AFG2A: variants seen among roughly 807,000 people sequenced by gnomAD.
AFG2A encodes ATPase family gene 2 protein homolog A.
the AFG2A span, among the ~76,000 whole-genome samples, chr4:123,294,337 G>T: frequency 6.6e-6 from 1 of 152,180 alleles, no homozygotes; most frequent in Non-Finnish European, 1.5e-5. Flanking sequence ...GAAGTAATGT[G>T]CTGGGCACAT....
At chr4:123,022,943 C>A in the AFG2A span, among the ~76,000 whole-genome samples, 179 of 151,236 alleles carry the variant, frequency 1.2e-3, no homozygotes, top group African/African-American at 4.0e-3. Context: ...GGACAAAAAA[C>A]CAAACACCGC....
chr4:123,247,600 G>GT, the AFG2A span, among the ~76,000 whole-genome samples: 1 of 151,902 alleles, frequency 6.6e-6, no homozygotes. Flanking sequence ...TTGTTTGTTT[G>GT]TTTGTTTTGT....
chr4:123,315,902 C>G, the AFG2A span: 1 of 152,258 alleles, frequency 6.6e-6, no homozygotes, highest in Non-Finnish European at 1.5e-5. Flanking sequence ...ACTCAGCCTC[C>G]TGAGTAGCTA....
the AFG2A span, among the ~76,000 whole-genome samples, chr4:123,266,116 A>T: frequency 1.1e-4 from 16 of 152,128 alleles, no homozygotes; most frequent in East Asian, 3.1e-3. Flanking sequence ...TGGAAGGCTG[A>T]TTTCTAATAA....
At chr4:123,129,717 G>A in the AFG2A span, among the ~76,000 whole-genome samples, 102,017 of 151,890 alleles carry the variant, frequency 0.67, 37,404 homozygotes, top group East Asian at 0.97. Flanking sequence ...GGCTGGGCAC[G>A]GGACCCATCT....
At chr4:122,966,648 G>A in the AFG2A span, among the ~76,000 whole-genome samples, 2 of 152,200 alleles carry the variant, frequency 1.3e-5, no homozygotes, top group Admixed American at 6.5e-5. Flanking sequence ...ATAAAGGAAT[G>A]TACTAAATGA....
At chr4:123,196,167 ATTTT>A in the AFG2A span, among the ~76,000 whole-genome samples, 1 of 79,666 alleles carries the variant, frequency 1.3e-5, no homozygotes. Flanking sequence ...TGCCCAGCTA[ATTTT>A]TTTTTTTTTT....
chr4:123,022,203 A>C, the AFG2A span, among the ~76,000 whole-genome samples: 5 of 151,830 alleles, frequency 3.3e-5, no homozygotes, highest in African/African-American at 9.7e-5. Context: ...TAATTAAACT[A>C]AAGAGCTTCT....
At chr4:123,229,742 T>C in the AFG2A span, among the ~76,000 whole-genome samples, 5 of 151,944 alleles carry the variant, frequency 3.3e-5, no homozygotes, top group African/African-American at 9.7e-5. Context: ...TTATTAGATA[T>C]CTTTATTTGG....
At chr4:123,256,581 C>T in the AFG2A span, 2 of 504,216 alleles carry the variant, frequency 4.0e-6, no homozygotes, top group Admixed American at 6.4e-5. Context: ...TCATGGAGAG[C>T]ATAGAAATAA....
chr4:122,939,674 A>C, the AFG2A span, among the ~76,000 whole-genome samples: 1 of 152,002 alleles, frequency 6.6e-6, no homozygotes, highest in Non-Finnish European at 1.5e-5. Flanking sequence ...GTACATGTGC[A>C]CAATGTGCAG....
At chr4:123,297,441 G>A in the AFG2A span, among the ~76,000 whole-genome samples, 1 of 152,290 alleles carries the variant, frequency 6.6e-6, no homozygotes, top group East Asian at 1.9e-4. Context: ...GCAACTAGAG[G>A]CCGGGTGTGG....
chr4:123,133,992 G>C, the AFG2A span, among the ~76,000 whole-genome samples: 1 of 152,096 alleles, frequency 6.6e-6, no homozygotes, highest in Non-Finnish European at 1.5e-5. Context: ...ATATTGAGTA[G>C]TTTGAGTTCC....
chr4:123,020,408 G>A, the AFG2A span, among the ~76,000 whole-genome samples: 5 of 149,822 alleles, frequency 3.3e-5, no homozygotes, highest in African/African-American at 4.9e-5. Context: ...CACTCTTGGC[G>A]TTCAGGCTGG....
chr4:123,009,241 CAG>C, the AFG2A span, among the ~76,000 whole-genome samples: 1 of 152,168 alleles, frequency 6.6e-6, no homozygotes, highest in South Asian at 2.1e-4. Context: ...CACTACCAAA[CAG>C]AGAAGTTCAC....
chr4:123,018,161 C>T, the AFG2A span, among the ~76,000 whole-genome samples: 24 of 152,032 alleles, frequency 1.6e-4, no homozygotes, highest in Non-Finnish European at 2.8e-4. Context: ...GGATGTTTGT[C>T]AGGGACATGT....
the AFG2A span, among the ~76,000 whole-genome samples, chr4:123,201,480 A>G: frequency 3.3e-5 from 5 of 152,210 alleles, no homozygotes; most frequent in African/African-American, 1.2e-4. Context: ...AATCTTTATC[A>G]AGTAATTCCC....
chr4:123,080,323 G>A, the AFG2A span, among the ~76,000 whole-genome samples: 4 of 152,230 alleles, frequency 2.6e-5, no homozygotes, highest in East Asian at 1.9e-4. Context: ...CAGCGAGACC[G>A]CAGCCACCTG....
chr4:122,976,172 T>TAG, the AFG2A span, among the ~76,000 whole-genome samples: 1 of 152,172 alleles, frequency 6.6e-6, no homozygotes, highest in South Asian at 2.1e-4. Flanking sequence ...AGGATAACTT[T>TAG]AGATATTCAG....
Sources: allele counts gnomAD v4.1 joint callset (sites outside exome capture counted in the v4.1 genomes callset), GRCh38; gene constraint gnomAD v4.1.1; transcripts MANE v1.5; gene names NCBI Gene and HGNC (gene_info 2026-07-23, HGNC 2026-07-21).